NPFFR2: variants seen among roughly 807,000 people sequenced by gnomAD.
The protein encoded by NPFFR2 is neuropeptide FF receptor 2.
NPFFR2 carries 15 observed loss-of-function variants against 13.1 expected under a neutral mutation model. The observed-to-expected ratio is 1.15, with a 90% confidence interval of 0.77 to 1.76. The LOEUF (loss-of-function observed/expected upper bound fraction) is 1.76, where lower values mean the gene tolerates loss of function less well. Among genes scored for constraint, NPFFR2 ranks in the 40% most tolerant of loss-of-function variants. NPFFR2 has a pLI of 0.00. For missense variants in NPFFR2, 572 were observed against 503.5 expected, an observed-to-expected ratio of 1.14 and a Z score of -1.30; for synonymous variants, 190 against 175.7, an observed-to-expected ratio of 1.08 and a Z score of -0.65.
At chr4:72,059,452 A>G (rs1327237506) in intron 1 of NPFFR2, among the ~76,000 whole-genome samples, 1 of 152,116 alleles carries the variant, frequency 6.6e-6, no homozygotes. Flanking sequence ...TTAAATTTGC[A>G]GTAAGTCCCT....
In NPFFR2 at chr4:72,128,713, A is replaced by G. The variant is rs1722144136; in HGVS notation, c.122A>G (p.Gln41Arg). 1 of 1,614,170 alleles carries G rather than the reference A, an allele frequency of 6.2e-7. No homozygotes were observed. The highest frequency in any genetic ancestry group is 2.2e-5 in the East Asian group (1 of 44,874). ...NITYVNYYLH[Q>R]PQVAAIFIIS... Reference sequence around the variant, plus strand: ...ACCTATGTGAACTACTATCTTCACCAGCCTCAAGTGGCAGCAATCTTCATT... The same window carrying G: ...ACCTATGTGAACTACTATCTTCACCGGCCTCAAGTGGCAGCAATCTTCATT... The change falls in exon 2 of 4, where the codon CAG (glutamine) becomes CGG (arginine). Residue 41 changes from glutamine to arginine, a missense_variant. Physicochemically the swap from Gln to Arg is conservative, Grantham distance 43. Transcript: ENST00000308744.
At chr4:72,121,606 TAAAGA>T (rs1470251294) in intron 1 of NPFFR2, among the ~76,000 whole-genome samples, 2 of 152,150 alleles carry the variant, frequency 1.3e-5, no homozygotes, top group Non-Finnish European at 2.9e-5. Context: ...TCAACATTCT[TAAAGA>T]AAAGAATTTT....
chr4:72,121,013 G>C (rs141014330), intron 1 of NPFFR2, among the ~76,000 whole-genome samples: 3 of 151,990 alleles, frequency 2.0e-5, no homozygotes, highest in Non-Finnish European at 2.9e-5. Context: ...AAAAAGGTTA[G>C]AGGAATTGCT....
intron 1 of NPFFR2, among the ~76,000 whole-genome samples, chr4:72,081,809 T>A (rs954062596): frequency 9.9e-5 from 15 of 152,144 alleles, no homozygotes; most frequent in African/African-American, 3.1e-4. Flanking sequence ...TAACTGTTAG[T>A]TCATCTCCAA....
chr4:72,145,384 AAT>A (rs1722743812), intron 3 of NPFFR2, among the ~76,000 whole-genome samples: 1 of 151,170 alleles, frequency 6.6e-6, no homozygotes, highest in South Asian at 2.1e-4. Flanking sequence ...TTTTATTGTT[AAT>A]AGTGTCTGCT....
intron 1 of NPFFR2, among the ~76,000 whole-genome samples, chr4:72,075,976 T>TACACACACACACACAC (rs1025719017): frequency 2.4e-5 from 2 of 83,076 alleles, no homozygotes; most frequent in African/African-American, 9.3e-5. Flanking sequence ...CACACACACA[T>TACACACACACACACAC]ACACACACAC....
chr4:72,081,747 T>C (rs1310466307), intron 1 of NPFFR2, among the ~76,000 whole-genome samples: 1 of 152,058 alleles, frequency 6.6e-6, no homozygotes, highest in Non-Finnish European at 1.5e-5. Context: ...CGCCTTGGCC[T>C]CCAGAAATGC....
chr4:72,062,496 A>G (rs1719946489), intron 1 of NPFFR2, among the ~76,000 whole-genome samples: 1 of 147,522 alleles, frequency 6.8e-6, no homozygotes, highest in East Asian at 2.0e-4. Flanking sequence ...AAATTCATTC[A>G]AGACTAGGTA....
intron 1 of NPFFR2, among the ~76,000 whole-genome samples, chr4:72,036,752 G>A (rs1328552243): frequency 1.3e-5 from 2 of 151,564 alleles, no homozygotes; most frequent in East Asian, 3.9e-4. Flanking sequence ...TGGACAGGAG[G>A]TATTTAGAAA....
At chr4:72,068,239 G>A (rs1720132122) in intron 1 of NPFFR2, among the ~76,000 whole-genome samples, 1 of 152,114 alleles carries the variant, frequency 6.6e-6, no homozygotes, top group South Asian at 2.1e-4. Flanking sequence ...AGAACTCCAA[G>A]ATCAAGATGT....
chr4:72,117,898 T>C (rs1201509193), intron 1 of NPFFR2, among the ~76,000 whole-genome samples: 1 of 152,180 alleles, frequency 6.6e-6, no homozygotes, highest in African/African-American at 2.4e-5. Flanking sequence ...CACACATACT[T>C]TGCTTGTGTT....
At chr4:72,140,857 C>T (rs569332644) in intron 3 of NPFFR2, among the ~76,000 whole-genome samples, 1 of 152,074 alleles carries the variant, frequency 6.6e-6, no homozygotes, top group Non-Finnish European at 1.5e-5. Context: ...CTCTTTGTAC[C>T]TCTGGTAGAA....
At chr4:72,114,544 C>T (rs1411683213) in intron 1 of NPFFR2, among the ~76,000 whole-genome samples, 1 of 152,058 alleles carries the variant, frequency 6.6e-6, no homozygotes, top group East Asian at 1.9e-4. Context: ...GTAAATAATG[C>T]ATAGATCCTG....
intron 1 of NPFFR2, among the ~76,000 whole-genome samples, chr4:72,051,173 C>T (rs904210814): frequency 2.6e-4 from 40 of 151,716 alleles, no homozygotes; most frequent in African/African-American, 9.7e-4. Context: ...TTCTAGATCC[C>T]TGAGGAGTTG....
chr4:72,103,053 T>C (rs1421134423), intron 1 of NPFFR2, among the ~76,000 whole-genome samples: 1 of 152,198 alleles, frequency 6.6e-6, no homozygotes, highest in Non-Finnish European at 1.5e-5. Context: ...GACTTTTTTA[T>C]GATTGCCATT....
intron 3 of NPFFR2, among the ~76,000 whole-genome samples, chr4:72,143,011 G>A (rs895904986): frequency 2.0e-5 from 3 of 152,156 alleles, no homozygotes; most frequent in Non-Finnish European, 4.4e-5. Flanking sequence ...ATTAGGACAG[G>A]GAGTAGTGGA....
At chr4:72,135,168 T>G (rs9790741) in intron 2 of NPFFR2, among the ~76,000 whole-genome samples, 38,076 of 152,104 alleles carry the variant, frequency 0.25, 5,834 homozygotes, top group Admixed American at 0.35. Flanking sequence ...TGATTTGTAT[T>G]TTGTTTTTCT....
intron 1 of NPFFR2, among the ~76,000 whole-genome samples, chr4:72,054,060 T>C (rs191433391): frequency 6.6e-6 from 1 of 152,094 alleles, no homozygotes; most frequent in African/African-American, 2.4e-5. Context: ...ATTCAGTTGA[T>C]CTATAGACAC....
At chr4:72,085,121 G>A (rs1411878126) in intron 1 of NPFFR2, among the ~76,000 whole-genome samples, 1 of 152,080 alleles carries the variant, frequency 6.6e-6, no homozygotes, top group Non-Finnish European at 1.5e-5. Context: ...AACTAGAAAT[G>A]TATGGGATGA....
Sources: allele counts gnomAD v4.1 joint callset (sites outside exome capture counted in the v4.1 genomes callset), GRCh38; gene constraint gnomAD v4.1.1; transcripts MANE v1.5; gene names NCBI Gene and HGNC (gene_info 2026-07-23, HGNC 2026-07-21).